The following STK10 variants were observed in gnomAD, a reference collection of about 807,000 sequenced individuals.
STK10 encodes the protein serine/threonine kinase 10, also known as serine/threonine-protein kinase 10.
A neutral mutation model predicts 113.8 loss-of-function variants in STK10; 78 were observed. That is an observed-to-expected ratio of 0.69 (90% CI 0.57 to 0.83). The LOEUF is 0.83. Among genes scored for constraint, STK10 ranks in the 40% least tolerant of loss-of-function variants. The probability of loss-of-function intolerance (pLI) is 0.00; values close to 1 mark genes in which losing one functional copy is unlikely to be tolerated. For missense variants in STK10, 1,109 were observed against 1,280.1 expected (o/e 0.87, Z 2.04); for synonymous variants, 465 against 494.7 (o/e 0.94, Z 0.80).
chr5:172,171,903 T>C (rs1770670588), intron 1 of STK10, among the ~76,000 whole-genome samples: 1 of 152,114 alleles, frequency 6.6e-6, no homozygotes, highest in Admixed American at 6.5e-5. Flanking sequence ...ATAGCATGGC[T>C]GGACACAGTG....
chr5:172,138,136 T>C (rs1010921663), intron 2 of STK10, among the ~76,000 whole-genome samples: 1 of 152,184 alleles, frequency 6.6e-6, no homozygotes, highest in East Asian at 1.9e-4. Flanking sequence ...ATTATTTTTT[T>C]ATTGAGATGG....
At chr5:172,048,935 C>T (rs1308216075) in intron 18 of STK10, among the ~76,000 whole-genome samples, 2 of 152,062 alleles carry the variant, frequency 1.3e-5, no homozygotes, top group Non-Finnish European at 2.9e-5. Context: ...CGGGCCTTTG[C>T]AGTTGCTCTT....
chr5:172,088,922 AACAGCTTTGCCTC>A (rs1238726715), intron 10 of STK10, among the ~76,000 whole-genome samples: 1 of 152,226 alleles, frequency 6.6e-6, no homozygotes, highest in Admixed American at 6.5e-5. Flanking sequence ...GATCCTAGCA[AACAGCTTTGCCTC>A]ACACCTTCCT....
rs1307749691 is a variant in STK10, at chr5:172,044,961, T to C, written c.2828A>G (p.Glu943Gly). Residue 943 changes from glutamate (E) to glycine (G), a missense_variant, in exon 19 of 19, where the codon GAG becomes GGG. Glu to Gly is a moderately conservative substitution (Grantham distance 98). Around this residue, in one of 5 missense-constraint regions of STK10, gnomAD observed 885 missense variants for 991.1 expected, o/e 0.89. Coordinates refer to ENST00000176763, the MANE Select transcript of STK10 (RefSeq NM_005990.4). The surrounding 1 kb of genome is among the most constrained non-coding windows in gnomAD (Gnocchi z 4.5). ...REQEMFFKLS[E>G]EAECPNPSTP... ...GGAGGGGTTTGGGCACTCCGCCTCCTCGCTCAGCTTGAAGAACATCTCCTG... is the reference window on the plus strand; with the variant it reads ...GGAGGGGTTTGGGCACTCCGCCTCCCCGCTCAGCTTGAAGAACATCTCCTG... 6.2e-7 allele frequency: 1 copy of C among 1,614,194 alleles called. No individual in the cohort carries two copies. The highest frequency in any genetic ancestry group is 1.1e-5 in the South Asian group (1 of 91,090).
At chr5:172,124,155 T>A (rs541875192) in intron 3 of STK10, among the ~76,000 whole-genome samples, 3 of 152,148 alleles carry the variant, frequency 2.0e-5, no homozygotes, top group Non-Finnish European at 2.9e-5. Flanking sequence ...CTCAAACTCC[T>A]GAGCTCAAAG....
At chr5:172,089,180 C>G (rs1768632836) in intron 10 of STK10, among the ~76,000 whole-genome samples, 1 of 152,200 alleles carries the variant, frequency 6.6e-6, no homozygotes, top group African/African-American at 2.4e-5. Flanking sequence ...TCCCCTTATC[C>G]TTTAGGCCTG....
intron 9 of STK10, among the ~76,000 whole-genome samples, chr5:172,091,157 T>C (rs996904146): frequency 5.3e-5 from 8 of 152,056 alleles, no homozygotes; most frequent in African/African-American, 1.9e-4. Flanking sequence ...TCCCGGCCTG[T>C]GTTCCATGCT....
At chr5:172,058,049 T>C (rs1328786912) in intron 14 of STK10, among the ~76,000 whole-genome samples, 2 of 152,186 alleles carry the variant, frequency 1.3e-5, no homozygotes, top group Non-Finnish European at 2.9e-5. Flanking sequence ...ACAATGAAGA[T>C]ACTGGCATCT....
chr5:172,096,428 A>T lies in STK10; in HGVS notation c.1003T>A (p.Ser335Thr). ...GEEEDAVDAA[S>T]TLENHTQNSS... is the part of the protein sequence containing the mutation. ...AGCCCCACTCTCCCTGGCCTTACGG[A>T]GGCGGCATCCACGGCGTCCTCCTCT... Residue 335 changes from serine to threonine, a missense_variant and splice_region_variant, in exon 8 of 19, where the codon TCC becomes ACC. Ser to Thr is a moderately conservative substitution (Grantham distance 58). Around this residue, in one of 5 missense-constraint regions of STK10, gnomAD observed 885 missense variants for 991.1 expected, o/e 0.89. Transcript: ENST00000176763. The T allele has an allele frequency of 6.2e-7, 1 of 1,611,976 alleles. No homozygotes were observed. The highest frequency in any genetic ancestry group is 8.5e-7 in the Non-Finnish European group (1 of 1,179,906).
rs1237228693 is a variant in STK10, at chr5:172,133,596, G to C, written c.322-6175C>G. On this transcript the variant is annotated intron_variant, in intron 2 of 18. Coordinates refer to ENST00000176763, the MANE Select transcript of STK10 (RefSeq NM_005990.4). This position sits in a 1 kb window ranked among gnomAD's most constrained non-coding sequence, Gnocchi z 4.9. ...GAATGCCACGTCGTCTCACTCTGGA[G>C]CTAATTAGGAAGCACACAACTCTGA... Among the ~76,000 whole-genome samples, 1 of 152,162 alleles carries C rather than the reference G, an allele frequency of 6.6e-6. No homozygotes were observed. Among genetic ancestry groups the C allele is most frequent in the Non-Finnish European group, 1.5e-5 (1 of 68,026 alleles).
intron 10 of STK10, among the ~76,000 whole-genome samples, chr5:172,088,972 C>A (rs918759786): frequency 6.6e-6 from 1 of 152,216 alleles, no homozygotes; most frequent in Non-Finnish European, 1.5e-5. Flanking sequence ...TACCAACTCA[C>A]TGGTTTTGCC....
At chr5:172,079,123 GATT>G (rs1768375519) in intron 12 of STK10, among the ~76,000 whole-genome samples, 1 of 152,168 alleles carries the variant, frequency 6.6e-6, no homozygotes, top group African/African-American at 2.4e-5. Flanking sequence ...ATGTTAACAG[GATT>G]ATTAAAATAG....
chr5:172,081,376 AG>A (rs1470134432), intron 12 of STK10, among the ~76,000 whole-genome samples: 4 of 149,582 alleles, frequency 2.7e-5, no homozygotes, highest in African/African-American at 9.8e-5. Flanking sequence ...AAAAAAAATC[AG>A]GCTAAATCTA....
At position 172,116,065 on chromosome 5, in the gene STK10, G is replaced by T. The variant is rs987595468; in HGVS notation, c.520+1416C>A. On this transcript the variant is annotated intron_variant, in intron 4 of 18. Transcript: ENST00000176763. ...ATTGAGCACCAACTATGTGTTGTTT[G>T]TTTTTTTGTTTTTGTTTTTGTTTTT... Among the ~76,000 whole-genome samples the T allele has an allele frequency of 2.0e-5, 3 of 151,884 alleles. No individual in the cohort carries two copies. The East Asian group carries it at 5.8e-4, about 29-fold the overall frequency.
At chr5:172,115,554 A>C (rs1477442532) in intron 4 of STK10, among the ~76,000 whole-genome samples, 1 of 152,170 alleles carries the variant, frequency 6.6e-6, no homozygotes, top group East Asian at 1.9e-4. Context: ...ATTTGGCTCC[A>C]TGATGTACAC....
Position 172,082,606 on chromosome 5 carries a change from C to A in STK10, c.1810-101G>T. Reference sequence around the variant, plus strand: ...GAGAACTCAGAGCTTGTGATCAGACCTAAGCTTGAATCCCAGCTCTACTAC... The same window carrying A: ...GAGAACTCAGAGCTTGTGATCAGACATAAGCTTGAATCCCAGCTCTACTAC... On this transcript the variant is annotated intron_variant, in intron 11 of 18. Transcript: ENST00000176763. This position sits in a 1 kb window ranked among gnomAD's most constrained non-coding sequence, Gnocchi z 4.3. 1 of 1,411,720 alleles carries A rather than the reference C, an allele frequency of 7.1e-7. No homozygotes were observed. The highest frequency in any genetic ancestry group is 1.4e-5 in the South Asian group (1 of 69,112). The allele number at this position is 1,411,720 out of a possible 1,614,324, so 87.4% of individuals were successfully genotyped here. A position where few individuals can be genotyped will look rare whatever the true frequency, so the allele number is the denominator to read the frequency against.
chr5:172,066,030 C>T (rs1768062263), intron 12 of STK10, among the ~76,000 whole-genome samples: 1 of 152,278 alleles, frequency 6.6e-6, no homozygotes, highest in Admixed American at 6.5e-5. Context: ...AGTTCCTTCC[C>T]AAGAAACCCA....
chr5:172,048,537 C>T (rs1253198520), intron 18 of STK10, among the ~76,000 whole-genome samples: 1 of 151,958 alleles, frequency 6.6e-6, no homozygotes, highest in Admixed American at 6.6e-5. Context: ...CCCAAGATCC[C>T]AAAGCTGGTG....
intron 1 of STK10, among the ~76,000 whole-genome samples, chr5:172,174,066 G>A (rs1448907947): frequency 6.6e-6 from 1 of 152,044 alleles, no homozygotes; most frequent in African/African-American, 2.4e-5. Context: ...GTGTAGCCAC[G>A]TCATAACCAC....
Sources: allele counts gnomAD v4.1 joint callset (sites outside exome capture counted in the v4.1 genomes callset), GRCh38; gene constraint gnomAD v4.1.1; regional missense constraint gnomAD v4.1.1; non-coding constraint Gnocchi (gnomAD v3.1); transcripts MANE v1.5; gene names NCBI Gene and HGNC (gene_info 2026-07-23, HGNC 2026-07-21).